Variants in GALK2 observed in about 807,000 individuals in gnomAD.
GALK2 encodes the protein N-acetylgalactosamine kinase.
A neutral mutation model predicts 52.4 loss-of-function variants in GALK2; 36 were observed. That is an observed-to-expected ratio of 0.69 (90% confidence interval 0.53 to 0.91). The LOEUF (loss-of-function observed/expected upper bound fraction) is 0.91, where lower values mean the gene tolerates loss of function less well. Among genes scored for constraint, GALK2 ranks in the 40% least tolerant of loss-of-function variants. The pLI is 0.00. For synonymous variants in GALK2, 176 were observed against 199.1 expected, an observed-to-expected ratio of 0.88 and a Z score of 0.98; for missense variants, 579 against 559.1, an observed-to-expected ratio of 1.04 and a Z score of -0.36.
At chr15:49,294,386 G>A (rs1416157754) in intron 8 of GALK2, among the ~76,000 whole-genome samples, 5 of 152,098 alleles carry the variant, frequency 3.3e-5, no homozygotes, top group Admixed American at 3.3e-4. Context: ...TGAAAATAAT[G>A]TACATAGTAG....
intron 2 of GALK2, among the ~76,000 whole-genome samples, chr15:49,207,376 G>A (rs998740762): frequency 6.6e-6 from 1 of 152,104 alleles, no homozygotes; most frequent in East Asian, 1.9e-4. Context: ...AAATGAATTC[G>A]GAAAGGTTCC....
chr15:49,334,577 A>G (rs2151170556), downstream of GALK2, among the ~76,000 whole-genome samples: 1 of 152,122 alleles, frequency 6.6e-6, no homozygotes, highest in South Asian at 2.1e-4. Flanking sequence ...CCCACTAAGC[A>G]CAGGAAGTCT....
chr15:49,244,542 G>C (rs1045806873), intron 5 of GALK2, among the ~76,000 whole-genome samples: 1 of 151,894 alleles, frequency 6.6e-6, no homozygotes, highest in Admixed American at 6.6e-5. Flanking sequence ...TTTAGTTTAG[G>C]CTATCTGTTT....
intron 1 of GALK2, chr15:49,156,179 G>C (rs1053146588): frequency 1.9e-5 from 13 of 669,916 alleles, no homozygotes; most frequent in Admixed American, 1.8e-4. Flanking sequence ...TAGGTATGCA[G>C]CTATCAGTTG....
chr15:49,338,188 T>A (rs1216089376), intron 3 of GALK2, among the ~76,000 whole-genome samples: 1 of 152,208 alleles, frequency 6.6e-6, no homozygotes, highest in African/African-American at 2.4e-5. Flanking sequence ...GCTATCTGGT[T>A]GTTTTGCCCG....
chr15:49,255,452 A>G (rs2091775440), intron 5 of GALK2, among the ~76,000 whole-genome samples: 1 of 142,474 alleles, frequency 7.0e-6, no homozygotes, highest in Admixed American at 7.1e-5. Flanking sequence ...GACACTGACA[A>G]TTTTGAAGCG....
At chr15:49,244,637 C>G (rs2091259698) in intron 5 of GALK2, among the ~76,000 whole-genome samples, 1 of 151,972 alleles carries the variant, frequency 6.6e-6, no homozygotes, top group South Asian at 2.1e-4. Flanking sequence ...TCCACCAAAA[C>G]TAGGGAGTAA....
chr15:49,240,263 A>G (rs1243865454), intron 5 of GALK2, among the ~76,000 whole-genome samples: 1 of 152,140 alleles, frequency 6.6e-6, no homozygotes, highest in Admixed American at 6.5e-5. Context: ...TTTTGAGAAG[A>G]GAAGAAGCAA....
chr15:49,296,735 G>T, intron 8 of GALK2, among the ~76,000 whole-genome samples: 1 of 152,080 alleles, frequency 6.6e-6, no homozygotes, highest in Admixed American at 6.5e-5. Context: ...GAGTAGCTGG[G>T]GTTATAGGCA....
intron 3 of GALK2, among the ~76,000 whole-genome samples, chr15:49,217,844 A>G (rs1157455456): frequency 6.6e-6 from 1 of 152,234 alleles, no homozygotes; most frequent in Non-Finnish European, 1.5e-5. Context: ...TGCTTTATCA[A>G]GTTAACAAAG....
At chr15:49,155,938 T>C in exon 1 of GALK2, 12 of 1,598,712 alleles carry the variant, frequency 7.5e-6, no homozygotes, top group Non-Finnish European at 1.0e-5. Context: ...ACGCATCTCA[T>C]TCCGGTGAAA....
intron 8 of GALK2, among the ~76,000 whole-genome samples, chr15:49,299,740 TTTCTTTCTTTCTTTCTTTCTTTCTTTC>T (rs2034851691): frequency 1.3e-4 from 12 of 95,774 alleles, no homozygotes; most frequent in Non-Finnish European, 1.8e-4. Context: ...CTTTCTTTTC[TTTCTTTCTTTCTTTCTTTCTTTCTTTC>T]TTTCTTTCTT....
rs1347140534 is a variant in GALK2 at position 49,299,735 on chromosome 15, T to TTTCTTTCTTTCTTTCTTTCTTTCC, written c.967+7200_967+7201insCTTTCTTTCTTTCTTTCTTTCCTT. On this transcript the variant is annotated intron_variant, in intron 8 of 9. Coordinates refer to ENST00000560031, the MANE Select transcript of GALK2 (RefSeq NM_002044.4). Reference sequence around the variant, plus strand: ...CTTTCTTTCTTTCTTTCTTTCTTTCTTTTCTTTCTTTCTTTCTTTCTTTCT... The same window carrying TTTCTTTCTTTCTTTCTTTCTTTCC: ...CTTTCTTTCTTTCTTTCTTTCTTTCTTTCTTTCTTTCTTTCTTTCTTTCCTTTCTTTCTTTCTTTCTTTCTTTCT... 7.1e-4 allele frequency among the ~76,000 whole-genome samples: 55 copies of TTTCTTTCTTTCTTTCTTTCTTTCC among 77,574 alleles called. 2 individuals carry two copies. Among genetic ancestry groups the TTTCTTTCTTTCTTTCTTTCTTTCC allele is most frequent in the African/African-American group, 2.8e-3 (50 of 18,056 alleles). 50.9% of individuals were successfully genotyped at this position (77,574 alleles called of 152,430 possible).
intron 8 of GALK2, among the ~76,000 whole-genome samples, chr15:49,306,359 A>C (rs1231281970): frequency 1.3e-5 from 2 of 152,168 alleles, no homozygotes; most frequent in African/African-American, 4.8e-5. Flanking sequence ...TTTATCAACA[A>C]ATGTTTGAGA....
intron 3 of GALK2, chr15:49,365,563 G>A (rs1692903392): frequency 1.1e-6 from 1 of 887,746 alleles, no homozygotes; most frequent in Non-Finnish European, 1.9e-6. Flanking sequence ...AAAAGGTCCA[G>A]CTGCAAGTTT....
At chr15:49,199,411 C>T (rs2087535985) in intron 1 of GALK2, among the ~76,000 whole-genome samples, 1 of 152,064 alleles carries the variant, frequency 6.6e-6, no homozygotes, top group African/African-American at 2.4e-5. Flanking sequence ...ATTTAGGCAG[C>T]CGCATCTACC....
At chr15:49,237,101 T>A (rs1005573150) in intron 4 of GALK2, among the ~76,000 whole-genome samples, 8 of 152,340 alleles carry the variant, frequency 5.3e-5, no homozygotes, top group Admixed American at 3.3e-4. Flanking sequence ...ATTTTAATCT[T>A]CCTTGTAACA....
At chr15:49,322,010 C>T (rs1300987239) in intron 9 of GALK2, among the ~76,000 whole-genome samples, 1 of 152,232 alleles carries the variant, frequency 6.6e-6, no homozygotes. Flanking sequence ...TGAGCTGGAA[C>T]TGTTGCTTCG....
At chr15:49,271,787 G>A (rs566025216) in intron 5 of GALK2, among the ~76,000 whole-genome samples, 1 of 152,314 alleles carries the variant, frequency 6.6e-6, no homozygotes, top group South Asian at 2.1e-4. Flanking sequence ...CCTATATTGA[G>A]ATCACTCTGG....
Sources: allele counts gnomAD v4.1 joint callset (sites outside exome capture counted in the v4.1 genomes callset), GRCh38; gene constraint gnomAD v4.1.1; transcripts MANE v1.5; gene names NCBI Gene and HGNC (gene_info 2026-07-23, HGNC 2026-07-21).